Variants in ABHD18 observed in about 807,000 individuals in gnomAD.
The protein encoded by ABHD18 is abhydrolase domain containing 18, also known as cardiolipin-specific deacylase, mitochondrial.
A neutral mutation model predicts 65.9 loss-of-function variants in ABHD18; 55 were observed. That is an observed-to-expected ratio of 0.84 (90% CI 0.67 to 1.05). ABHD18 has a LOEUF of 1.05. Among genes scored for constraint, ABHD18 ranks in the 50% least tolerant of loss-of-function variants. The probability of loss-of-function intolerance (pLI) is 0.00; values close to 1 mark genes in which losing one functional copy is unlikely to be tolerated. For missense variants in ABHD18, 533 were observed against 558.5 expected (o/e 0.95, Z 0.46); for synonymous variants, 181 against 180.2 (o/e 1.00, Z -0.04).
intron 2 of ABHD18, among the ~76,000 whole-genome samples, chr4:127,983,362 GTCT>G (rs898805862): frequency 3.0e-4 from 45 of 152,190 alleles, no homozygotes; most frequent in Non-Finnish European, 3.1e-4. Context: ...CAAGGATTGA[GTCT>G]TCTTAGATAA....
In ABHD18 at chr4:128,039,200, C is replaced by T. The variant is rs1050547727; in HGVS notation, c.*3387C>T. 14 of 136,874 alleles carry T rather than the reference C, an allele frequency of 1.0e-4. No homozygotes were observed. Among genetic ancestry groups the T allele is most frequent in the Non-Finnish European group, 2.1e-4 (14 of 65,154 alleles). The allele number at this position is 136,874 out of a possible 1,614,324, so 8.5% of individuals were successfully genotyped here. ...ATATATATATAATCTCAAAGAAGTGCGGTCTGCCATTTATCTGCCATTTTG... is the reference window on the plus strand; with the variant it reads ...ATATATATATAATCTCAAAGAAGTGTGGTCTGCCATTTATCTGCCATTTTG... On this transcript the variant is annotated 3_prime_UTR_variant, in exon 13 of 13. Transcript: ENST00000645843.
chr4:127,970,825 A>G (rs1435513601), intron 1 of ABHD18, among the ~76,000 whole-genome samples: 1 of 151,940 alleles, frequency 6.6e-6, no homozygotes, highest in African/African-American at 2.4e-5. Context: ...CTGTAATCCC[A>G]GCACTTTGGG....
chr4:127,993,920 A>G (rs915289766), intron 4 of ABHD18, among the ~76,000 whole-genome samples: 1 of 152,222 alleles, frequency 6.6e-6, no homozygotes, highest in African/African-American at 2.4e-5. Context: ...CGCAGATTTT[A>G]AACTTTTGAT....
At chr4:128,014,091 C>T (rs533214046) in intron 7 of ABHD18, among the ~76,000 whole-genome samples, 2 of 146,340 alleles carry the variant, frequency 1.4e-5, no homozygotes, top group East Asian at 4.2e-4. Context: ...TCAAGCAATT[C>T]TCCTGCCTCA....
chr4:127,968,849 G>A (rs1746187735), intron 1 of ABHD18, among the ~76,000 whole-genome samples: 2 of 152,034 alleles, frequency 1.3e-5, no homozygotes, highest in African/African-American at 4.8e-5. Flanking sequence ...TTGGAGTTAC[G>A]TTCACCCTGG....
At position 128,025,713 on chromosome 4, in the gene ABHD18, C is replaced by T. The variant is rs1026613560; in HGVS notation, c.802-2762C>T. Among the ~76,000 whole-genome samples the T allele has an allele frequency of 8.4e-4, 128 of 152,178 alleles. 2 individuals carry two copies. The highest frequency in any genetic ancestry group is 4.0e-4 in the Non-Finnish European group (27 of 68,046). On this transcript the variant is annotated intron_variant, in intron 10 of 12. Coordinates refer to ENST00000645843, the MANE Select transcript of ABHD18 (RefSeq NM_001358451.3). ...GTCTAATTCTGGTTATGTCAGTTTA[C>T]ACCACCAGCAGGAATGTGTCTTTCT... is the stretch of plus-strand genomic sequence containing the variant.
At chr4:128,001,777 TTC>T in intron 4 of ABHD18, 1 of 1,544,032 alleles carries the variant, frequency 6.5e-7, no homozygotes, top group East Asian at 2.5e-5. Context: ...AACCAGTTAT[TTC>T]TCTCTAGAAA....
At chr4:128,006,130 A>G (rs908814501) in intron 4 of ABHD18, among the ~76,000 whole-genome samples, 2 of 152,238 alleles carry the variant, frequency 1.3e-5, no homozygotes, top group Admixed American at 6.5e-5. Flanking sequence ...GTTAGAAGAT[A>G]GTCGAATTTG....
At chr4:128,010,715 A>G (rs1469790943) in intron 6 of ABHD18, among the ~76,000 whole-genome samples, 2 of 152,060 alleles carry the variant, frequency 1.3e-5, no homozygotes, top group African/African-American at 4.8e-5. Context: ...GGAGTTCGAG[A>G]CCAGCCTGGC....
intron 8 of ABHD18, among the ~76,000 whole-genome samples, chr4:128,018,341 G>A (rs1387358524): frequency 1.3e-5 from 2 of 152,002 alleles, no homozygotes; most frequent in Non-Finnish European, 2.9e-5. Flanking sequence ...TTGTGTGTGG[G>A]CTCAAGTGAT....
At chr4:128,026,723 T>C (rs1757421873) in intron 10 of ABHD18, among the ~76,000 whole-genome samples, 1 of 152,160 alleles carries the variant, frequency 6.6e-6, no homozygotes, top group Admixed American at 6.6e-5. Flanking sequence ...TAACAATGCT[T>C]CAGTCACATA....
At chr4:128,018,874 T>C (rs188074265) in intron 8 of ABHD18, among the ~76,000 whole-genome samples, 1,900 of 151,494 alleles carry the variant, frequency 0.013, 38 homozygotes, top group African/African-American at 0.044. Context: ...ACTAGCCGGG[T>C]GTGGTGGCAC....
intron 3 of ABHD18, among the ~76,000 whole-genome samples, chr4:127,988,193 A>C (rs1420977687): frequency 6.6e-6 from 1 of 152,192 alleles, no homozygotes; most frequent in Non-Finnish European, 1.5e-5. Context: ...ACATTTGTCC[A>C]ACTGACTACA....
At chr4:127,980,253 C>CT in intron 1 of ABHD18, among the ~76,000 whole-genome samples, 1 of 152,244 alleles carries the variant, frequency 6.6e-6, no homozygotes, top group East Asian at 1.9e-4. Context: ...GTTCGATTCT[C>CT]TATTGCTCTC....
At chr4:127,966,217 C>T (rs190712288) in intron 1 of ABHD18, among the ~76,000 whole-genome samples, 60 of 152,252 alleles carry the variant, frequency 3.9e-4, no homozygotes, top group African/African-American at 1.3e-3. Flanking sequence ...TAGCTGGCGT[C>T]AGTAGTCATT....
At chr4:127,997,764 C>T (rs955268950) in intron 4 of ABHD18, among the ~76,000 whole-genome samples, 3 of 152,168 alleles carry the variant, frequency 2.0e-5, no homozygotes, top group African/African-American at 7.2e-5. Flanking sequence ...CTTACTAGCT[C>T]TCATCTTCCT....
rs1162441342 is a variant in ABHD18, at chr4:127,983,039, T to A, written c.84T>A (p.Asp28Glu). The change falls in exon 2 of 13, where the codon GAT becomes GAA. Residue 28 changes from aspartate (D) to glutamate (E), a missense_variant. Around this residue, in one of 3 missense-constraint regions of ABHD18, gnomAD observed 309 missense variants for 313.5 expected, o/e 0.99. Coordinates refer to ENST00000645843, the MANE Select transcript of ABHD18 (RefSeq NM_001358451.3). The stretch of plus-strand genomic sequence containing the variant: ...TCAGAGGATGGGGAAGGCCAGAAGA[T>A]CTCAAAAGGCAAGCAATTTTTTTTC... ...LFIRGWGRPE[D>E]LKRLFEFRKM... 4.5e-6 allele frequency: 7 copies of A among 1,554,598 alleles called. No homozygotes were observed. The Admixed American group carries it at 1.4e-4, about 30-fold the overall frequency.
At chr4:127,977,905 G>C (rs1345530818) in intron 1 of ABHD18, among the ~76,000 whole-genome samples, 1 of 152,034 alleles carries the variant, frequency 6.6e-6, no homozygotes, top group Admixed American at 6.6e-5. Context: ...TTAAAGGATA[G>C]CATAAACATT....
chr4:128,026,629 C>G (rs565205172), intron 10 of ABHD18, among the ~76,000 whole-genome samples: 7 of 152,152 alleles, frequency 4.6e-5, no homozygotes, highest in Non-Finnish European at 8.8e-5. Context: ...TTTTCCCAGG[C>G]TGTCATTTTT....
Sources: gnomAD v4.1 joint callset for allele counts (sites outside exome capture counted in the v4.1 genomes callset) on GRCh38, gnomAD v4.1.1 for gene constraint, gnomAD v4.1.1 regional missense constraint, MANE v1.5 for transcripts, NCBI Gene and HGNC (gene_info 2026-07-23, HGNC 2026-07-21) for gene names.